Variants in RHOQ observed in about 807,000 individuals in gnomAD.
RHOQ encodes rho-related GTP-binding protein RhoQ.
Under a neutral mutation model 25.8 loss-of-function variants are expected in RHOQ, and 7 were observed. The observed-to-expected ratio is 0.27, with a 90% confidence interval of 0.15 to 0.51. The LOEUF (loss-of-function observed/expected upper bound fraction) is 0.51. Among genes scored for constraint, RHOQ ranks in the 20% least tolerant of loss-of-function variants. The pLI is 0.97. For missense variants in RHOQ, 165 were observed against 260.6 expected (o/e 0.63, Z 2.53); for synonymous variants, 97 against 98.6 (o/e 0.98, Z 0.10).
intron 2 of RHOQ, among the ~76,000 whole-genome samples, chr2:46,567,533 A>G (rs1668772624): frequency 6.6e-6 from 1 of 151,878 alleles, no homozygotes. Context: ...AGCTGGGACT[A>G]TAGGCACACA....
In RHOQ at chr2:46,552,082, G is replaced by A. The variant is rs1467352389; in HGVS notation, c.201+8270G>A. Among the ~76,000 whole-genome samples the A allele has an allele frequency of 6.6e-6, 1 of 152,192 alleles. No homozygotes were observed. Among genetic ancestry groups the A allele is most frequent in the African/African-American group, 2.4e-5 (1 of 41,436 alleles). On this transcript the variant is annotated intron_variant, in intron 2 of 4. Transcript: ENST00000238738. The surrounding 1 kb of genome is among the most constrained non-coding windows in gnomAD (Gnocchi z 5.0). Reference sequence around the variant, plus strand: ...CTTTTATCACATGCACTGTTGTTCAGCGTTTCATGTAAAAGGTACATTCCA... The same window carrying A: ...CTTTTATCACATGCACTGTTGTTCAACGTTTCATGTAAAAGGTACATTCCA...
intron 2 of RHOQ, among the ~76,000 whole-genome samples, chr2:46,558,059 G>A (rs1572742333): frequency 6.6e-6 from 1 of 152,128 alleles, no homozygotes; most frequent in East Asian, 1.9e-4. Flanking sequence ...TTCACTGTAT[G>A]TCTCAGCTAT....
intron 2 of RHOQ, among the ~76,000 whole-genome samples, chr2:46,561,958 A>T (rs1479732278): frequency 6.6e-6 from 1 of 152,130 alleles, no homozygotes; most frequent in Non-Finnish European, 1.5e-5. Flanking sequence ...TGTTCTCATG[A>T]CATCCCCTTG....
At chr2:46,559,421 A>G (rs1415265465) in intron 2 of RHOQ, among the ~76,000 whole-genome samples, 1 of 152,106 alleles carries the variant, frequency 6.6e-6, no homozygotes, top group African/African-American at 2.4e-5. Flanking sequence ...TCAAATGTCT[A>G]TCTGTGTTTA....
intron 2 of RHOQ, among the ~76,000 whole-genome samples, chr2:46,561,082 A>G (rs1668562319): frequency 6.6e-6 from 1 of 151,360 alleles, no homozygotes; most frequent in Non-Finnish European, 1.5e-5. Flanking sequence ...ATATATTAGT[A>G]TATATATGTA....
intron 2 of RHOQ, among the ~76,000 whole-genome samples, chr2:46,545,856 C>T (rs1187326023): frequency 6.6e-6 from 1 of 152,072 alleles, no homozygotes; most frequent in African/African-American, 2.4e-5. Flanking sequence ...GAAGTTGACC[C>T]CACTTACAAA....
chr2:46,576,308 G>T lies in RHOQ; in HGVS notation c.366+57G>T. On this transcript the variant is annotated intron_variant, in intron 3 of 4. Coordinates refer to ENST00000238738, the MANE Select transcript of RHOQ (RefSeq NM_012249.4). This position sits in a 1 kb window ranked among gnomAD's most constrained non-coding sequence, Gnocchi z 5.1. ...ATAAGCTCTTTGGTCTGTCGTAGAG[G>T]CTGCTCTCAGACAAACAGTCCCAAA... The T allele has an allele frequency of 7.1e-7, 1 of 1,411,054 alleles. No individual in the cohort carries two copies. The highest frequency in any genetic ancestry group is 2.0e-5 in the Admixed American group (1 of 49,622). The allele number at this position is 1,411,054 out of a possible 1,614,324, so 87.4% of individuals were successfully genotyped here.
At chr2:46,561,175 G>A (rs911764590) in intron 2 of RHOQ, among the ~76,000 whole-genome samples, 5 of 151,458 alleles carry the variant, frequency 3.3e-5, no homozygotes, top group African/African-American at 9.7e-5. Flanking sequence ...ATATGTGTGT[G>A]TATATATATA....
intron 2 of RHOQ, among the ~76,000 whole-genome samples, chr2:46,571,008 C>A: frequency 6.6e-6 from 1 of 152,256 alleles, no homozygotes; most frequent in Middle Eastern, 3.4e-3. Context: ...TGATAAGTCT[C>A]CCGTTTTTCA....
Position 46,582,115 on chromosome 2 carries a change from A to C in RHOQ, c.*1032A>C, listed in dbSNP as rs1390618880. On this transcript the variant is annotated 3_prime_UTR_variant, in exon 5 of 5. Transcript: ENST00000238738. ...CAGATATAGATGTTGGAACCACAGC[A>C]GAAGTTATAGAGCGACAACTTATAT... The C allele has an allele frequency of 1.3e-5, 2 of 154,214 alleles. No individual in the cohort carries two copies. Among genetic ancestry groups the C allele is most frequent in the African/African-American group, 4.8e-5 (2 of 41,448 alleles). The allele number at this position is 154,214 out of a possible 1,614,324, so 9.6% of individuals were successfully genotyped here.
At chr2:46,543,697 C>A in intron 1 of RHOQ, 57 bp from the exon 2 acceptor site, 1 of 1,533,920 alleles carries the variant, frequency 6.5e-7, no homozygotes, top group Non-Finnish European at 9.0e-7. Flanking sequence ...AGCGAAATTG[C>A]CCCAGAGCCC....
In RHOQ at chr2:46,582,367, T is replaced by C. The variant is rs1669423808; in HGVS notation, c.*1284T>C. On this transcript the variant is annotated 3_prime_UTR_variant, in exon 5 of 5. Coordinates refer to ENST00000238738, the MANE Select transcript of RHOQ (RefSeq NM_012249.4). Reference sequence around the variant, plus strand: ...GTACACTGGAGCCATTTCTAATCTTTCTCTGGGGGGAACAGGCCACAGAAC... The same window carrying C: ...GTACACTGGAGCCATTTCTAATCTTCCTCTGGGGGGAACAGGCCACAGAAC... 1 of 152,164 alleles carries C rather than the reference T, an allele frequency of 6.6e-6. No homozygotes were observed. Among genetic ancestry groups the C allele is most frequent in the African/African-American group, 2.4e-5 (1 of 41,442 alleles). 9.4% of individuals were successfully genotyped at this position (152,164 alleles called of 1,614,324 possible). A position where few individuals can be genotyped will look rare whatever the true frequency, so the allele number is the denominator to read the frequency against.
chr2:46,576,928 C>A lies in RHOQ; in HGVS notation c.462+272C>A. ...TCAGTCCAAAGCCTGACTCCTGGGC[C>A]GAGACTCTTACACCTTTGCTACATT... On this transcript the variant is annotated intron_variant, in intron 4 of 4. Coordinates refer to ENST00000238738, the MANE Select transcript of RHOQ (RefSeq NM_012249.4). This position sits in a 1 kb window ranked among gnomAD's most constrained non-coding sequence, Gnocchi z 5.1. 1 of 287,842 alleles carries A rather than the reference C, an allele frequency of 3.5e-6. No homozygotes were observed. The allele number at this position is 287,842 out of a possible 1,614,324, so 17.8% of individuals were successfully genotyped here.
At chr2:46,562,169 G>T (rs1210253300) in intron 2 of RHOQ, among the ~76,000 whole-genome samples, 4 of 152,034 alleles carry the variant, frequency 2.6e-5, no homozygotes, top group Non-Finnish European at 5.9e-5. Flanking sequence ...AGACTGTAGG[G>T]TCTATACCTC....
chr2:46,546,550 A>C (rs531298142), intron 2 of RHOQ, among the ~76,000 whole-genome samples: 2 of 125,662 alleles, frequency 1.6e-5, no homozygotes, highest in East Asian at 2.3e-4. Context: ...CCTTAAGCCT[A>C]GTGGGCAGCA....
rs58640619 is a variant in RHOQ at position 46,582,833 on chromosome 2, C to G, written c.*1750C>G. 6.6e-6 allele frequency: 1 copy of G among 152,668 alleles called. No homozygotes were observed. Among genetic ancestry groups the G allele is most frequent in the East Asian group, 1.9e-4 (1 of 5,190 alleles). The allele number at this position is 152,668 out of a possible 1,614,324, so 9.5% of individuals were successfully genotyped here. A position where few individuals can be genotyped will look rare whatever the true frequency, so the allele number is the denominator to read the frequency against. On this transcript the variant is annotated 3_prime_UTR_variant, in exon 5 of 5. Coordinates refer to ENST00000238738, the MANE Select transcript of RHOQ (RefSeq NM_012249.4). ...TTTTTAAAAATATAAGCATCACCTT[C>G]CCATTGAAGAGTGGAGAGAGTCTAC... is the stretch of plus-strand genomic sequence containing the variant.
At position 46,583,175 on chromosome 2, in the gene RHOQ, A is replaced by C. The variant is rs541043511; in HGVS notation, c.*2092A>C. 3.3e-5 allele frequency: 5 copies of C among 152,220 alleles called. No individual in the cohort carries two copies. The highest frequency in any genetic ancestry group is 3.4e-3 in the Middle Eastern group (1 of 294). The allele number at this position is 152,220 out of a possible 1,614,324, so 9.4% of individuals were successfully genotyped here. A position where few individuals can be genotyped will look rare whatever the true frequency, so the allele number is the denominator to read the frequency against. On this transcript the variant is annotated 3_prime_UTR_variant, in exon 5 of 5. Coordinates refer to ENST00000238738, the MANE Select transcript of RHOQ (RefSeq NM_012249.4). ...GTGGGGGGAGGGGGCTCCAATTCAT[A>C]TCTCTGAAACCCTTCACACTTGGTT... is the stretch of plus-strand genomic sequence containing the variant.
chr2:46,546,512 GTATATACATATATATATA>G (rs1668071973), intron 2 of RHOQ, among the ~76,000 whole-genome samples: 1 of 18,758 alleles, frequency 5.3e-5, no homozygotes, highest in Admixed American at 6.0e-4. Context: ...ATATATATAT[GTATATACATATATATATA>G]TACACAAATC....
chr2:46,543,746 C>T lies in RHOQ; in HGVS notation c.143-8C>T. 6.2e-7 allele frequency: 1 copy of T among 1,613,192 alleles called. No individual in the cohort carries two copies. The highest frequency in any genetic ancestry group is 1.1e-5 in the South Asian group (1 of 90,820). On this transcript the variant is annotated splice_region_variant and splice_polypyrimidine_tract_variant and intron_variant, in intron 1 of 4. Coordinates refer to ENST00000238738, the MANE Select transcript of RHOQ (RefSeq NM_012249.4). ...CTTCTCTCCCCGCCCCCACTTCTGT[C>T]CTTGCAGTCAGCGTCACCGTGGGGG...
Sources: gnomAD v4.1 joint callset for allele counts (sites outside exome capture counted in the v4.1 genomes callset) on GRCh38, gnomAD v4.1.1 for gene constraint, Gnocchi (gnomAD v3.1) non-coding constraint, MANE v1.5 for transcripts, NCBI Gene and HGNC (gene_info 2026-07-23, HGNC 2026-07-21) for gene names.